CACNA2D3: variants seen among roughly 807,000 people sequenced by gnomAD.
CACNA2D3 encodes voltage-dependent calcium channel subunit alpha-2/delta-3.
CACNA2D3 carries 60 observed loss-of-function variants against 160.6 expected under a neutral mutation model. That is an observed-to-expected ratio of 0.37 (90% CI 0.30 to 0.46). CACNA2D3 has a LOEUF of 0.46. CACNA2D3 is among the 20% of genes least tolerant of loss of function. The probability of loss-of-function intolerance (pLI) is 1.00; values close to 1 mark genes in which losing one functional copy is unlikely to be tolerated. For missense variants in CACNA2D3, 1,205 were observed against 1,365.0 expected, an observed-to-expected ratio of 0.88 and a Z score of 1.85; for synonymous variants, 558 against 492.9, an observed-to-expected ratio of 1.13 and a Z score of -1.75.
At chr3:54,388,171 C>T (rs1699221539) in intron 4 of CACNA2D3, among the ~76,000 whole-genome samples, 1 of 152,154 alleles carries the variant, frequency 6.6e-6, no homozygotes, top group Non-Finnish European at 1.5e-5. Flanking sequence ...ATACTTATGA[C>T]CTGAAGAGAG....
intron 35 of CACNA2D3, among the ~76,000 whole-genome samples, chr3:55,063,485 A>G (rs1195239370): frequency 6.6e-6 from 1 of 152,192 alleles, no homozygotes; most frequent in Non-Finnish European, 1.5e-5. Flanking sequence ...TGCAAAATGA[A>G]ACAAAACAAA....
At position 54,655,852 on chromosome 3, in the gene CACNA2D3, T is replaced by C. The variant is rs554684681; in HGVS notation, c.1167+13611T>C. 3.3e-5 allele frequency among the ~76,000 whole-genome samples: 5 copies of C among 152,354 alleles called. No individual in the cohort carries two copies. The South Asian group carries it at 1.0e-3, about 32-fold the overall frequency. ...TCACTTTTATATTATTTGTCCATTT[T>C]CTAGAGTAGTGGTCAAGGCTCAGAC... On this transcript the variant is annotated intron_variant, in intron 11 of 37. Transcript: ENST00000474759.
intron 17 of CACNA2D3, among the ~76,000 whole-genome samples, chr3:54,859,235 A>T (rs1699233117): frequency 6.6e-6 from 1 of 152,228 alleles, no homozygotes; most frequent in Non-Finnish European, 1.5e-5. Flanking sequence ...GAATGCAAAT[A>T]AAAATGTTGA....
chr3:55,014,981 C>T (rs1039619437), intron 34 of CACNA2D3, among the ~76,000 whole-genome samples: 4 of 152,162 alleles, frequency 2.6e-5, no homozygotes, highest in Admixed American at 1.3e-4. Flanking sequence ...ATAGACCCAA[C>T]GGTTTATCAC....
intron 4 of CACNA2D3, among the ~76,000 whole-genome samples, chr3:54,409,471 C>A (rs1204307764): frequency 6.6e-6 from 1 of 152,164 alleles, no homozygotes; most frequent in African/African-American, 2.4e-5. Context: ...CAATTAATAA[C>A]CCTACAGTGG....
chr3:55,045,563 T>G (rs1337200185), intron 35 of CACNA2D3, among the ~76,000 whole-genome samples: 2 of 152,206 alleles, frequency 1.3e-5, no homozygotes, highest in Non-Finnish European at 2.9e-5. Context: ...AGCTATGAAT[T>G]CAATATCTTT....
chr3:54,537,965 C>A (rs1701914709), intron 5 of CACNA2D3, among the ~76,000 whole-genome samples: 1 of 152,114 alleles, frequency 6.6e-6, no homozygotes, highest in African/African-American at 2.4e-5. Flanking sequence ...CTCTCTGTGA[C>A]CCACACTGGG....
chr3:54,559,930 CT>C (rs2106701588), intron 5 of CACNA2D3, among the ~76,000 whole-genome samples: 1 of 152,264 alleles, frequency 6.6e-6, no homozygotes, highest in Admixed American at 6.5e-5. Context: ...TGGTCTTGTT[CT>C]TTTTTATGGC....
intron 4 of CACNA2D3, among the ~76,000 whole-genome samples, chr3:54,471,593 A>C (rs1700732291): frequency 6.6e-6 from 1 of 152,214 alleles, no homozygotes; most frequent in Non-Finnish European, 1.5e-5. Context: ...AACTCTTCAA[A>C]ATAATCAGTG....
At chr3:54,693,466 A>T (rs543154268) in intron 11 of CACNA2D3, among the ~76,000 whole-genome samples, 1 of 152,364 alleles carries the variant, frequency 6.6e-6, no homozygotes, top group Non-Finnish European at 1.5e-5. Context: ...ACAATTATGT[A>T]CAGTACAAAA....
intron 5 of CACNA2D3, among the ~76,000 whole-genome samples, chr3:54,504,600 C>T (rs1258310816): frequency 6.6e-6 from 1 of 152,150 alleles, no homozygotes; most frequent in Non-Finnish European, 1.5e-5. Flanking sequence ...AAAGAACTAT[C>T]CTCCTAGAAA....
chr3:54,418,914 C>A (rs1310691089), intron 4 of CACNA2D3, among the ~76,000 whole-genome samples: 1 of 152,106 alleles, frequency 6.6e-6, no homozygotes, highest in Non-Finnish European at 1.5e-5. Flanking sequence ...GCATATTTAA[C>A]CTCTACCTCC....
chr3:54,288,645 T>G (rs1337428833), intron 2 of CACNA2D3, among the ~76,000 whole-genome samples: 1 of 152,134 alleles, frequency 6.6e-6, no homozygotes, highest in Non-Finnish European at 1.5e-5. Context: ...ACCAATATCC[T>G]TGATGAACAT....
At chr3:54,925,356 C>G (rs1199174643) in intron 27 of CACNA2D3, 8 of 677,912 alleles carry the variant, frequency 1.2e-5, no homozygotes, top group African/African-American at 1.1e-4. Flanking sequence ...TTCTGTCACT[C>G]ACCGTCTTTA....
intron 13 of CACNA2D3, among the ~76,000 whole-genome samples, chr3:54,799,382 A>G (rs1421773375): frequency 6.6e-6 from 1 of 152,176 alleles, no homozygotes; most frequent in African/African-American, 2.4e-5. Flanking sequence ...TTCCCACTGC[A>G]GACATGGAGG....
chr3:54,411,478 C>A (rs1045092336), intron 4 of CACNA2D3, among the ~76,000 whole-genome samples: 2 of 152,066 alleles, frequency 1.3e-5, no homozygotes, highest in Non-Finnish European at 2.9e-5. Context: ...GAGTCAAGAC[C>A]CTCCACCAGC....
At chr3:55,062,743 T>C (rs1415446393) in intron 35 of CACNA2D3, among the ~76,000 whole-genome samples, 1 of 152,226 alleles carries the variant, frequency 6.6e-6, no homozygotes. Flanking sequence ...GGCTTCTTAA[T>C]GTGTTTGACC....
rs1278217969 is a variant in CACNA2D3, at chr3:54,624,303, T to G, written c.964-3484T>G. Among the ~76,000 whole-genome samples, 3 of 151,720 alleles carry G rather than the reference T, an allele frequency of 2.0e-5. No individual in the cohort carries two copies. In the East Asian group the frequency reaches 5.8e-4, roughly 29 times the overall value. ...AGCTACACAGAGATGAAAAGAAAAA[T>G]TAAATGTTGTGCAGGTTGTTTAAAA... On this transcript the variant is annotated intron_variant, in intron 9 of 37. Coordinates refer to ENST00000474759, the MANE Select transcript of CACNA2D3 (RefSeq NM_018398.3).
rs544168205 is a variant in CACNA2D3 at position 54,820,947 on chromosome 3, G to T, written c.1398+4077G>T. ...AGCTAAACATCAGTTATTCACTGCA[G>T]GATTAATTTAATCAATGTAGGTTTA... On this transcript the variant is annotated intron_variant, in intron 14 of 37. Transcript: ENST00000474759. Among the ~76,000 whole-genome samples the T allele has an allele frequency of 1.2e-4, 18 of 152,236 alleles. 1 individual carries two copies. In the South Asian group the frequency reaches 3.7e-3, roughly 32 times the overall value.
Sources: allele counts gnomAD v4.1 joint callset (sites outside exome capture counted in the v4.1 genomes callset), GRCh38; gene constraint gnomAD v4.1.1; transcripts MANE v1.5; gene names NCBI Gene and HGNC (gene_info 2026-07-23, HGNC 2026-07-21).